LHFPL3: variants seen among roughly 807,000 people sequenced by gnomAD.
The protein encoded by LHFPL3 is LHFPL tetraspan subfamily member 3.
In LHFPL3, 5 loss-of-function variants were observed where a neutral mutation model predicts 19.3. The ratio of observed to expected loss-of-function variants is 0.26; its 90% confidence interval spans 0.14 to 0.54. The LOEUF (loss-of-function observed/expected upper bound fraction) is 0.54. Ranked by LOEUF, LHFPL3 falls within the 20% of genes least tolerant of loss-of-function variation. LHFPL3 has a pLI of 0.94. For missense variants in LHFPL3, 249 were observed against 307.4 expected, an observed-to-expected ratio of 0.81 and a Z score of 1.42; for synonymous variants, 133 against 126.2, an observed-to-expected ratio of 1.05 and a Z score of -0.36.
intron 1 of LHFPL3, among the ~76,000 whole-genome samples, chr7:104,483,726 C>T (rs1793182385): frequency 6.6e-6 from 1 of 152,158 alleles, no homozygotes; most frequent in Non-Finnish European, 1.5e-5. Context: ...AGCAATCCTC[C>T]CACCTCAGCC....
chr7:104,765,101 A>C lies in LHFPL3; in HGVS notation c.682+28190A>C, dbSNP rs190888180. ...GTGTTCTAAAAGAAGCAAACAAAAG[A>C]TGACACTTTGTTGTTTGATGAAGTA... On this transcript the variant is annotated intron_variant, in intron 2 of 2. Transcript: ENST00000424859. 9.8e-5 allele frequency among the ~76,000 whole-genome samples: 15 copies of C among 152,348 alleles called. No individual in the cohort carries two copies. In the East Asian group the frequency reaches 2.7e-3, roughly 27 times the overall value.
rs1175493525 is a variant in LHFPL3, at chr7:104,618,110, G to A, written c.446-118565G>A. On this transcript the variant is annotated intron_variant, in intron 1 of 2. Coordinates refer to ENST00000424859, the MANE Select transcript of LHFPL3 (RefSeq NM_199000.3). ...ACTGCCCCAGCTGCAGAAATTATGT[G>A]TCAATGCAACACAAAAGAAGCCAAG... Among the ~76,000 whole-genome samples, 3 of 152,180 alleles carry A rather than the reference G, an allele frequency of 2.0e-5. No homozygotes were observed. The South Asian group carries it at 6.2e-4, about 32-fold the overall frequency.
At chr7:104,395,593 A>T (rs1791167257) in intron 1 of LHFPL3, among the ~76,000 whole-genome samples, 1 of 152,200 alleles carries the variant, frequency 6.6e-6, no homozygotes, top group Non-Finnish European at 1.5e-5. Context: ...CAGGAGAAGC[A>T]GGAGTTAGGA....
At chr7:104,450,503 C>T (rs921323761) in intron 1 of LHFPL3, among the ~76,000 whole-genome samples, 11 of 151,804 alleles carry the variant, frequency 7.2e-5, no homozygotes, top group Admixed American at 3.9e-4. Context: ...TGTTCTCACT[C>T]GTAAGTGGGA....
chr7:104,515,935 T>C (rs1299805029), intron 1 of LHFPL3, among the ~76,000 whole-genome samples: 1 of 152,148 alleles, frequency 6.6e-6, no homozygotes, highest in African/African-American at 2.4e-5. Flanking sequence ...AACCTCTTCC[T>C]GTTACCCAGT....
chr7:104,600,388 A>G (rs956834807), intron 1 of LHFPL3, among the ~76,000 whole-genome samples: 3 of 152,332 alleles, frequency 2.0e-5, no homozygotes, highest in African/African-American at 4.8e-5. Flanking sequence ...TACACTTTCC[A>G]TATCACTGAG....
chr7:104,445,665 A>G (rs549326983), intron 1 of LHFPL3, among the ~76,000 whole-genome samples: 4 of 152,280 alleles, frequency 2.6e-5, no homozygotes, highest in Admixed American at 2.0e-4. Context: ...CAGTCTGGTT[A>G]CCTCCTTTTT....
chr7:104,444,715 A>G (rs974679964), intron 1 of LHFPL3, among the ~76,000 whole-genome samples: 1 of 152,166 alleles, frequency 6.6e-6, no homozygotes, highest in Non-Finnish European at 1.5e-5. Flanking sequence ...TAGGCTGGGC[A>G]TGGTGGCTTA....
At chr7:104,561,056 A>C (rs2115947414) in intron 1 of LHFPL3, among the ~76,000 whole-genome samples, 1 of 151,950 alleles carries the variant, frequency 6.6e-6, no homozygotes, top group East Asian at 1.9e-4. Context: ...ATAGTTTGTT[A>C]TAATTTCTGT....
intron 1 of LHFPL3, among the ~76,000 whole-genome samples, chr7:104,631,069 CAAG>C (rs1413664057): frequency 1.8e-4 from 28 of 152,218 alleles, no homozygotes; most frequent in African/African-American, 6.5e-4. Context: ...AAGCTGTTCA[CAAG>C]AAGGTGTCTG....
intron 1 of LHFPL3, among the ~76,000 whole-genome samples, chr7:104,359,703 G>A (rs139397389): frequency 3.9e-5 from 6 of 152,344 alleles, no homozygotes; most frequent in African/African-American, 1.4e-4. Flanking sequence ...CAGATAATGA[G>A]AATCAAGGGT....
At chr7:104,739,660 G>A (rs1793895896) in intron 2 of LHFPL3, among the ~76,000 whole-genome samples, 1 of 152,082 alleles carries the variant, frequency 6.6e-6, no homozygotes, top group Non-Finnish European at 1.5e-5. Context: ...CTACTGAGAT[G>A]TACAATGGTA....
chr7:104,330,532 G>A (rs1303636517), intron 1 of LHFPL3, among the ~76,000 whole-genome samples: 2 of 152,058 alleles, frequency 1.3e-5, no homozygotes, highest in African/African-American at 4.8e-5. Context: ...AGTTTGATAA[G>A]GAAAGAGAAG....
chr7:104,513,098 C>T (rs758065066), intron 1 of LHFPL3, among the ~76,000 whole-genome samples: 2 of 152,096 alleles, frequency 1.3e-5, no homozygotes, highest in Non-Finnish European at 2.9e-5. Flanking sequence ...AAATAAAAAC[C>T]ATCTAGAGGC....
chr7:104,597,272 A>C (rs937765581), intron 1 of LHFPL3, among the ~76,000 whole-genome samples: 2 of 152,202 alleles, frequency 1.3e-5, no homozygotes, highest in African/African-American at 4.8e-5. Context: ...AACTCATTTC[A>C]GTCATTCTTT....
chr7:104,442,160 C>T (rs1370007549), intron 1 of LHFPL3, among the ~76,000 whole-genome samples: 1 of 151,634 alleles, frequency 6.6e-6, no homozygotes, highest in Non-Finnish European at 1.5e-5. Context: ...GGATGCTGAG[C>T]ATTTTTTCAC....
chr7:104,592,764 T>G (rs1478224777), intron 1 of LHFPL3, among the ~76,000 whole-genome samples: 1 of 152,176 alleles, frequency 6.6e-6, no homozygotes, highest in Non-Finnish European at 1.5e-5. Flanking sequence ...AGTTCCAGCT[T>G]CCTGGCAGCT....
intron 1 of LHFPL3, among the ~76,000 whole-genome samples, chr7:104,609,742 G>A (rs942779849): frequency 2.0e-5 from 3 of 152,192 alleles, no homozygotes; most frequent in African/African-American, 7.2e-5. Context: ...AAACAAAACT[G>A]TCTAATTAGT....
intron 1 of LHFPL3, among the ~76,000 whole-genome samples, chr7:104,554,627 T>G (rs1009258565): frequency 6.9e-6 from 1 of 145,510 alleles, no homozygotes; most frequent in Non-Finnish European, 1.5e-5. Context: ...ACTAATAGGA[T>G]AGATTAGATA....
Sources: gnomAD v4.1 joint callset for allele counts (sites outside exome capture counted in the v4.1 genomes callset) on GRCh38, gnomAD v4.1.1 for gene constraint, MANE v1.5 for transcripts, NCBI Gene and HGNC (gene_info 2026-07-23, HGNC 2026-07-21) for gene names.